The following PCDH11X variants were observed in gnomAD, a reference collection of about 807,000 sequenced individuals.
The protein encoded by PCDH11X is protocadherin-11 X-linked.
In PCDH11X, 18 loss-of-function variants were observed where a neutral mutation model predicts 53.3. The observed-to-expected ratio is 0.34, with a 90% CI of 0.23 to 0.50. PCDH11X has a LOEUF of 0.50. Among genes scored for constraint, PCDH11X ranks in the 20% least tolerant of loss-of-function variants. The probability of loss-of-function intolerance (pLI) is 0.98; values close to 1 mark genes in which losing one functional copy is unlikely to be tolerated. For synonymous variants in PCDH11X, 279 were observed against 393.3 expected, an observed-to-expected ratio of 0.71 and a Z score of 3.44; for missense variants, 570 against 1,032.4, an observed-to-expected ratio of 0.55 and a Z score of 6.14.
intron 9 of PCDH11X, among the ~76,000 whole-genome samples, chrX:92,427,240 T>C (rs971620234): frequency 9.3e-6 from 1 of 108,084 alleles, no homozygotes; most frequent in Admixed American, 1.0e-4. Flanking sequence ...CTAAAACCAT[T>C]TGGAAGACAT....
intron 4 of PCDH11X, among the ~76,000 whole-genome samples, chrX:91,830,355 C>A (rs1431073720): frequency 9.0e-6 from 1 of 111,520 alleles, no homozygotes; most frequent in African/African-American, 3.3e-5. Flanking sequence ...AGTAAGCAAG[C>A]TGTTTGTGGA....
At chrX:92,590,289 T>G (rs998292175) in intron 10 of PCDH11X, among the ~76,000 whole-genome samples, 1 of 111,371 alleles carries the variant, frequency 9.0e-6, no homozygotes, top group Non-Finnish European at 1.9e-5. Context: ...ATTAAACTCT[T>G]TCCTGCAATG....
At chrX:92,221,296 C>T (rs866241202) in intron 7 of PCDH11X, among the ~76,000 whole-genome samples, 2,009 of 102,480 alleles carry the variant, frequency 0.02, 65 homozygotes, top group African/African-American at 0.068. Flanking sequence ...CACACACACA[C>T]ACACACACAC....
At chrX:91,925,655 T>C (rs1941920433) in intron 6 of PCDH11X, among the ~76,000 whole-genome samples, 1 of 110,898 alleles carries the variant, frequency 9.0e-6, no homozygotes, top group African/African-American at 3.3e-5. Context: ...AGATAGATTG[T>C]TTCCAAATTT....
At position 92,459,873 on chromosome X, in the gene PCDH11X, G is replaced by A. The variant is rs768035969; in HGVS notation, c.3344-8426G>A. ...GGGGCCTGGCCGCGGGGATGGCTGG[G>A]GGTCTGGCAGGAATGGGAGGCATCC... On this transcript the variant is annotated intron_variant, in intron 9 of 10. Coordinates refer to ENST00000682573, the MANE Select transcript of PCDH11X (RefSeq NM_032968.5). 96 of 1,125,733 alleles carry A rather than the reference G, an allele frequency of 8.5e-5. 2 individuals carry two copies. In the African/African-American group the frequency reaches 1.2e-3, roughly 14 times the overall value. 92.8% of individuals were successfully genotyped at this position (1,125,733 alleles called of 1,213,427 possible).
chrX:92,506,930 T>C (rs2074073847), intron 10 of PCDH11X, among the ~76,000 whole-genome samples: 1 of 110,135 alleles, frequency 9.1e-6, no homozygotes, highest in South Asian at 3.9e-4. Context: ...TATTCCTGGT[T>C]CAATCTTCAG....
chrX:91,877,001 T>C lies in PCDH11X; in HGVS notation c.761T>C (p.Ile254Thr). Residue 254 changes from isoleucine to threonine, a missense_variant, in exon 6 of 11, where the codon ATT (isoleucine) becomes ACT (threonine). This residue lies in a region of PCDH11X where 15 missense variants were observed against 28.4 expected (regional missense o/e 0.53). Coordinates refer to ENST00000682573, the MANE Select transcript of PCDH11X (RefSeq NM_032968.5). The stretch of plus-strand genomic sequence containing the variant: ...CACCCAGTCTTTAAGGAGACAGAGA[T>C]TGAAGTCAGTATACCAGAAAATGCT... ...DNHPVFKETEIEVSIPENAPV... is the reference protein window; with the variant it reads ...DNHPVFKETETEVSIPENAPV... 8.3e-7 allele frequency: 1 copy of C among 1,208,690 alleles called. No individual in the cohort carries two copies. Among genetic ancestry groups the C allele is most frequent in the Non-Finnish European group, 1.1e-6 (1 of 894,623 alleles).
At chrX:92,416,442 T>C (rs2148609166) in intron 9 of PCDH11X, among the ~76,000 whole-genome samples, 1 of 110,055 alleles carries the variant, frequency 9.1e-6, no homozygotes, top group South Asian at 3.8e-4. Context: ...ATAAATATAT[T>C]ACACCTCCTA....
chrX:92,335,949 G>A (rs1337834247), intron 8 of PCDH11X, among the ~76,000 whole-genome samples: 1 of 110,982 alleles, frequency 9.0e-6, no homozygotes, highest in Admixed American at 9.6e-5. Context: ...TATGCCGTTG[G>A]TGGTCATAGT....
At chrX:92,266,964 C>T (rs751715835) in intron 8 of PCDH11X, among the ~76,000 whole-genome samples, 1 of 110,455 alleles carries the variant, frequency 9.1e-6, no homozygotes, top group South Asian at 3.9e-4. Flanking sequence ...AGGCTGGTCT[C>T]GAACTCCTGA....
chrX:92,518,326 C>G (rs1345207725), intron 10 of PCDH11X, among the ~76,000 whole-genome samples: 2 of 111,147 alleles, frequency 1.8e-5, no homozygotes, highest in Admixed American at 1.9e-4. Flanking sequence ...TTATCCTTAC[C>G]TATCATGTGG....
At chrX:92,375,563 T>G (rs1392293953) in intron 8 of PCDH11X, among the ~76,000 whole-genome samples, 6 of 109,189 alleles carry the variant, frequency 5.5e-5, no homozygotes, top group African/African-American at 2.0e-4. Context: ...AGTATCTAGT[T>G]AAAGATTATT....
intron 6 of PCDH11X, among the ~76,000 whole-genome samples, chrX:91,927,835 T>A (rs1220881540): frequency 9.0e-6 from 1 of 110,957 alleles, no homozygotes; most frequent in Admixed American, 9.6e-5. Context: ...CAGCTTCTGA[T>A]CTATTACTTA....
At position 92,132,332 on chromosome X, in the gene PCDH11X, G is replaced by A. The variant is rs1439262320; in HGVS notation, c.3034-69043G>A. ...AAAAAAAAAAAAAAAAAAGCCAGGC[G>A]CAGTGGCTCACGACGCTTTTAATCC... On this transcript the variant is annotated intron_variant, in intron 6 of 10. Coordinates refer to ENST00000682573, the MANE Select transcript of PCDH11X (RefSeq NM_032968.5). Among the ~76,000 whole-genome samples the A allele has an allele frequency of 9.9e-5, 8 of 80,687 alleles. No individual in the cohort carries two copies. The South Asian group carries it at 2.7e-3, about 27-fold the overall frequency. The allele number at this position is 80,687 out of a possible 115,157, so 70.1% of individuals were successfully genotyped here. A position where few individuals can be genotyped will look rare whatever the true frequency, so the allele number is the denominator to read the frequency against.
intron 10 of PCDH11X, among the ~76,000 whole-genome samples, chrX:92,599,882 C>A (rs1362115295): frequency 9.0e-6 from 1 of 111,174 alleles, no homozygotes; most frequent in African/African-American, 3.3e-5. Context: ...TTATTGAGAA[C>A]TGGAGCAAAG....
intron 6 of PCDH11X, among the ~76,000 whole-genome samples, chrX:91,903,686 T>TGTGTGC (rs1171962896): frequency 4.6e-5 from 5 of 109,114 alleles, no homozygotes; most frequent in Non-Finnish European, 7.6e-5. Flanking sequence ...TGTGTGTGTG[T>TGTGTGC]GTGCGTGTAT....
chrX:91,961,588 A>G (rs2061788566), intron 6 of PCDH11X, among the ~76,000 whole-genome samples: 1 of 110,510 alleles, frequency 9.0e-6, no homozygotes. Context: ...ACTAGAATGA[A>G]TAAACGAATT....
At position 91,839,316 on chromosome X, in the gene PCDH11X, T is replaced by C. The variant is rs758525791; in HGVS notation, c.540+3272T>C. The stretch of plus-strand genomic sequence containing the variant: ...AGTTCATGATACAAAACGAAAAGAG[T>C]GAAAGAAAGAAAAAAGACTGGGCAC... On this transcript the variant is annotated intron_variant, in intron 5 of 10. Transcript: ENST00000682573. Among the ~76,000 whole-genome samples, 8 of 104,343 alleles carry C rather than the reference T, an allele frequency of 7.7e-5. No individual in the cohort carries two copies. The South Asian group carries it at 1.7e-3, about 22-fold the overall frequency. 90.6% of individuals were successfully genotyped at this position (104,343 alleles called of 115,157 possible).
chrX:91,904,845 G>A lies in PCDH11X; in HGVS notation c.3033+25572G>A, dbSNP rs192785284. Among the ~76,000 whole-genome samples the A allele has an allele frequency of 2.7e-4, 30 of 109,157 alleles. No individual in the cohort carries two copies. In the East Asian group the frequency reaches 5.5e-3, roughly 20 times the overall value. 94.8% of individuals were successfully genotyped at this position (109,157 alleles called of 115,157 possible). A position where few individuals can be genotyped will look rare whatever the true frequency, so the allele number is the denominator to read the frequency against. ...TTGAACATAAATCCCTTTGTGCACC[G>A]ATCCAACAGCCAACAGCGTAATTCA... On this transcript the variant is annotated intron_variant, in intron 6 of 10. Transcript: ENST00000682573.
Sources: allele counts gnomAD v4.1 joint callset (sites outside exome capture counted in the v4.1 genomes callset), GRCh38; gene constraint gnomAD v4.1.1; regional missense constraint gnomAD v4.1.1; transcripts MANE v1.5; gene names NCBI Gene and HGNC (gene_info 2026-07-23, HGNC 2026-07-21).